The following GALNTL6 variants were observed in gnomAD, a reference collection of about 807,000 sequenced individuals.
GALNTL6 encodes polypeptide N-acetylgalactosaminyltransferase-like 6.
In GALNTL6, 46 loss-of-function variants were observed where a neutral mutation model predicts 73.7. The observed-to-expected ratio is 0.62, with a 90% CI of 0.49 to 0.80. GALNTL6 has a LOEUF of 0.80. Among genes scored for constraint, GALNTL6 ranks in the 30% least tolerant of loss-of-function variants. GALNTL6 has a pLI of 0.00. For missense variants in GALNTL6, 604 were observed against 755.0 expected (o/e 0.80, Z 2.34); for synonymous variants, 259 against 263.7 (o/e 0.98, Z 0.17).
chr4:172,984,278 C>A (rs938878126), intron 10 of GALNTL6, among the ~76,000 whole-genome samples: 3 of 152,150 alleles, frequency 2.0e-5, no homozygotes, highest in Admixed American at 6.5e-5. Flanking sequence ...AGAAAACTTA[C>A]AATCATGGCT....
At chr4:172,977,038 G>A (rs752714651) in intron 10 of GALNTL6, among the ~76,000 whole-genome samples, 1 of 152,220 alleles carries the variant, frequency 6.6e-6, no homozygotes, top group Non-Finnish European at 1.5e-5. Context: ...TTTTGCATGA[G>A]AAATTACTGT....
intron 2 of GALNTL6, among the ~76,000 whole-genome samples, chr4:172,014,850 G>T (rs1471393433): frequency 6.6e-6 from 1 of 152,026 alleles, no homozygotes; most frequent in Non-Finnish European, 1.5e-5. Context: ...GCATGTATTT[G>T]TATAGTTTCG....
rs149006440 is a variant in GALNTL6 at position 172,477,504 on chromosome 4, C to T, written c.553+128815C>T. On this transcript the variant is annotated intron_variant, in intron 5 of 12. Transcript: ENST00000506823. ...TGCTATGATCTGAATGTTGTGTCCACGGCAAATTTATATGTTGAAAACCTA... is the reference window on the plus strand; with the variant it reads ...TGCTATGATCTGAATGTTGTGTCCATGGCAAATTTATATGTTGAAAACCTA... Among the ~76,000 whole-genome samples the T allele has an allele frequency of 3.5e-4, 54 of 152,170 alleles. No homozygotes were observed. The East Asian group carries it at 8.1e-3, about 23-fold the overall frequency.
intron 2 of GALNTL6, among the ~76,000 whole-genome samples, chr4:172,008,618 T>C (rs1317398396): frequency 6.6e-6 from 1 of 152,146 alleles, no homozygotes; most frequent in Non-Finnish European, 1.5e-5. Context: ...ATCAAACCAC[T>C]AAGAACAAAC....
intron 8 of GALNTL6, among the ~76,000 whole-genome samples, chr4:172,900,578 G>C (rs569036501): frequency 3.0e-4 from 45 of 152,190 alleles, no homozygotes; most frequent in Non-Finnish European, 3.7e-4. Flanking sequence ...GTTTACAATT[G>C]CACCTTGAAC....
At chr4:171,852,591 A>G (rs1347873445) in intron 2 of GALNTL6, among the ~76,000 whole-genome samples, 3 of 151,954 alleles carry the variant, frequency 2.0e-5, no homozygotes, top group Non-Finnish European at 4.4e-5. Flanking sequence ...AGTTTTAGAA[A>G]AGAGGCACTG....
intron 2 of GALNTL6, among the ~76,000 whole-genome samples, chr4:172,175,556 C>T (rs1388197603): frequency 6.6e-6 from 1 of 152,108 alleles, no homozygotes; most frequent in Non-Finnish European, 1.5e-5. Context: ...TTACAAGTAT[C>T]CTAGTTTGGC....
chr4:172,316,720 T>G (rs1035047113), intron 4 of GALNTL6, among the ~76,000 whole-genome samples: 2 of 152,212 alleles, frequency 1.3e-5, no homozygotes, highest in African/African-American at 4.8e-5. Context: ...ATGAAAACAT[T>G]CGCTTTATTA....
At chr4:172,892,759 G>A (rs546891977) in intron 8 of GALNTL6, among the ~76,000 whole-genome samples, 1 of 152,190 alleles carries the variant, frequency 6.6e-6, no homozygotes, top group African/African-American at 2.4e-5. Context: ...TCCATTCCTA[G>A]GTCTTGGTAG....
chr4:172,633,552 GGT>G (rs1739507525), intron 5 of GALNTL6, among the ~76,000 whole-genome samples: 1 of 152,154 alleles, frequency 6.6e-6, no homozygotes, highest in African/African-American at 2.4e-5. Context: ...CAGGCTTATA[GGT>G]GGGAGGGACT....
chr4:172,564,834 G>A (rs1391539255), intron 5 of GALNTL6, among the ~76,000 whole-genome samples: 3 of 152,190 alleles, frequency 2.0e-5, no homozygotes, highest in Admixed American at 2.0e-4. Context: ...ATGAAACAAC[G>A]AGTTTCAAGG....
chr4:172,081,100 G>A (rs2110920911), intron 2 of GALNTL6, among the ~76,000 whole-genome samples: 1 of 152,186 alleles, frequency 6.6e-6, no homozygotes, highest in East Asian at 1.9e-4. Context: ...CCAAGTGCAT[G>A]AATATATAGA....
intron 5 of GALNTL6, among the ~76,000 whole-genome samples, chr4:172,572,293 C>T (rs1050193773): frequency 1.3e-5 from 2 of 152,162 alleles, no homozygotes; most frequent in Non-Finnish European, 2.9e-5. Context: ...AACTAGCATA[C>T]TACACAGAAG....
intron 5 of GALNTL6, among the ~76,000 whole-genome samples, chr4:172,548,573 A>C (rs1247932893): frequency 6.6e-6 from 1 of 152,210 alleles, no homozygotes; most frequent in Non-Finnish European, 1.5e-5. Flanking sequence ...TTTAGACTCC[A>C]TTATCCAGGA....
chr4:172,592,714 A>ATCTG (rs1195273267), intron 5 of GALNTL6, among the ~76,000 whole-genome samples: 29 of 151,966 alleles, frequency 1.9e-4, no homozygotes, highest in Non-Finnish European at 3.7e-4. Flanking sequence ...CTATCTATCT[A>ATCTG]TCGAGAGAGA....
chr4:172,483,637 CTG>C (rs1579115827), intron 5 of GALNTL6, among the ~76,000 whole-genome samples: 1 of 152,022 alleles, frequency 6.6e-6, no homozygotes, highest in Non-Finnish European at 1.5e-5. Flanking sequence ...TGGGAGAAGA[CTG>C]TGAGTGTTTA....
intron 2 of GALNTL6, among the ~76,000 whole-genome samples, chr4:171,863,369 G>A (rs1735885604): frequency 1.3e-5 from 2 of 152,140 alleles, no homozygotes; most frequent in African/African-American, 4.8e-5. Flanking sequence ...TTCATATGGA[G>A]AGACTAGAAG....
chr4:172,125,028 G>A (rs1013773565), intron 2 of GALNTL6, among the ~76,000 whole-genome samples: 1 of 152,024 alleles, frequency 6.6e-6, no homozygotes, highest in African/African-American at 2.4e-5. Flanking sequence ...TAAGACCGAA[G>A]AAAAAATTAT....
At chr4:172,411,200 G>A (rs1455902893) in intron 5 of GALNTL6, among the ~76,000 whole-genome samples, 2 of 152,090 alleles carry the variant, frequency 1.3e-5, no homozygotes, top group Non-Finnish European at 2.9e-5. Flanking sequence ...GGGCCAAAGG[G>A]CTTTTAATGG....
Sources: gnomAD v4.1 joint callset for allele counts (sites outside exome capture counted in the v4.1 genomes callset) on GRCh38, gnomAD v4.1.1 for gene constraint, MANE v1.5 for transcripts, NCBI Gene and HGNC (gene_info 2026-07-23, HGNC 2026-07-21) for gene names.